The following FRY variants were observed in gnomAD, a reference collection of about 807,000 sequenced individuals.
The protein encoded by FRY is protein furry homolog.
A neutral mutation model predicts 348.4 loss-of-function variants in FRY; 128 were observed. That is an observed-to-expected ratio of 0.37 (90% confidence interval 0.32 to 0.43). The LOEUF (loss-of-function observed/expected upper bound fraction) is 0.43, where lower values mean the gene tolerates loss of function less well. FRY is among the 20% of genes least tolerant of loss of function. The probability of loss-of-function intolerance (pLI) is 1.00; values close to 1 mark genes in which losing one functional copy is unlikely to be tolerated. For missense variants in FRY, 2,736 were observed against 3,695.2 expected, an observed-to-expected ratio of 0.74 and a Z score of 6.73; for synonymous variants, 1,370 against 1,374.7, an observed-to-expected ratio of 1.00 and a Z score of 0.08.
At chr13:32,208,690 G>C (rs996692989) in intron 31 of FRY, among the ~76,000 whole-genome samples, 163 bp from the exon 32 acceptor site, 4 of 152,366 alleles carry the variant, frequency 2.6e-5, no homozygotes, top group Middle Eastern at 3.4e-3. Flanking sequence ...CAAGCTTGCA[G>C]ACAAGCCTTG....
intron 51 of FRY, among the ~76,000 whole-genome samples, chr13:32,255,930 G>T (rs549643138): frequency 1.2e-4 from 18 of 152,154 alleles, no homozygotes; most frequent in Non-Finnish European, 4.4e-5. Context: ...GGGAAAAAAC[G>T]GATGAAGCAA....
intron 20 of FRY, among the ~76,000 whole-genome samples, chr13:32,177,601 A>AAATAAATG (rs1882445091): frequency 6.6e-6 from 1 of 151,742 alleles, no homozygotes; most frequent in African/African-American, 2.4e-5. Context: ...CTCGATAAAT[A>AAATAAATG]AATAAATAAA....
chr13:32,250,228 T>C (rs975913441), intron 49 of FRY, among the ~76,000 whole-genome samples: 4 of 152,328 alleles, frequency 2.6e-5, no homozygotes, highest in African/African-American at 7.2e-5. Flanking sequence ...AGAGATGCCA[T>C]TGGGCTTCCT....
chr13:32,082,265 A>G (rs574882264), intron 2 of FRY, among the ~76,000 whole-genome samples: 1 of 152,134 alleles, frequency 6.6e-6, no homozygotes, highest in African/African-American at 2.4e-5. Context: ...TCCACAAAAC[A>G]AATTTTAGAT....
At chr13:32,094,030 G>A (rs960880505) in intron 2 of FRY, among the ~76,000 whole-genome samples, 5 of 152,150 alleles carry the variant, frequency 3.3e-5, no homozygotes, top group African/African-American at 1.2e-4. Flanking sequence ...GCCATAATCA[G>A]TTTCCACTTG....
rs2072083514 is a variant in FRY, at chr13:32,297,605, A to G, written c.*2145A>G. On this transcript the variant is annotated 3_prime_UTR_variant, in exon 61 of 61. Coordinates refer to ENST00000542859, the MANE Select transcript of FRY (RefSeq NM_023037.3). ...CAATTTTATTTTTAAAAGGAGATGTATTAATGTGAAAGGTTTCTTCTACTT... is the reference window on the plus strand; with the variant it reads ...CAATTTTATTTTTAAAAGGAGATGTGTTAATGTGAAAGGTTTCTTCTACTT... 6.6e-6 allele frequency: 1 copy of G among 152,160 alleles called. No individual in the cohort carries two copies. Among genetic ancestry groups the G allele is most frequent in the African/African-American group, 2.4e-5 (1 of 41,444 alleles). The allele number at this position is 152,160 out of a possible 1,614,324, so 9.4% of individuals were successfully genotyped here.
intron 59 of FRY, among the ~76,000 whole-genome samples, chr13:32,293,449 A>C (rs1889479154): frequency 6.6e-6 from 1 of 152,212 alleles, no homozygotes; most frequent in Non-Finnish European, 1.5e-5. Flanking sequence ...TTGTACCGTG[A>C]GTGAGTTGGG....
chr13:32,299,112 A>AT lies in FRY; in HGVS notation c.*3659dup, dbSNP rs1316048081. 6.6e-6 allele frequency: 1 copy of AT among 152,178 alleles called. No individual in the cohort carries two copies. The highest frequency in any genetic ancestry group is 1.5e-5 in the Non-Finnish European group (1 of 68,040). The allele number at this position is 152,178 out of a possible 1,614,324, so 9.4% of individuals were successfully genotyped here. On this transcript the variant is annotated 3_prime_UTR_variant, in exon 61 of 61. Coordinates refer to ENST00000542859, the MANE Select transcript of FRY (RefSeq NM_023037.3). Reference sequence around the variant, plus strand: ...TATATGTTTTACCACAATAAAAATAATTTTTTTAAAGGATCATTCTGGCTG... The same window carrying AT: ...TATATGTTTTACCACAATAAAAATAATTTTTTTTAAAGGATCATTCTGGCTG...
At chr13:32,106,249 A>G (rs182697112) in intron 3 of FRY, among the ~76,000 whole-genome samples, 13 of 150,724 alleles carry the variant, frequency 8.6e-5, no homozygotes, top group African/African-American at 1.2e-4. Flanking sequence ...TAGAGATGAT[A>G]ATAATGGTGA....
intron 57 of FRY, among the ~76,000 whole-genome samples, chr13:32,278,012 G>C (rs749618140): frequency 3.9e-5 from 6 of 152,158 alleles, no homozygotes; most frequent in Non-Finnish European, 7.4e-5. Flanking sequence ...CTTTCTTATA[G>C]TGAAGGAGAT....
intron 2 of FRY, among the ~76,000 whole-genome samples, chr13:32,096,196 A>T (rs1009465505): frequency 6.6e-6 from 1 of 152,054 alleles, no homozygotes; most frequent in Admixed American, 6.5e-5. Flanking sequence ...GATAAAATCT[A>T]TGTTGATGCA....
intron 7 of FRY, 51 bp from the exon 8 acceptor site, chr13:32,131,621 C>A: frequency 7.1e-7 from 1 of 1,403,818 alleles, no homozygotes; most frequent in Non-Finnish European, 1.0e-6. Flanking sequence ...GCCCCCATTA[C>A]AGGGACTTTC....
chr13:32,275,116 A>T (rs565974552), intron 56 of FRY, 125 bp downstream of exon 56: 13 of 828,156 alleles, frequency 1.6e-5, no homozygotes, highest in South Asian at 2.8e-5. Flanking sequence ...CGGTGGCTCA[A>T]GCCTGTAATC....
chr13:32,281,457 T>C (rs1422795383), intron 58 of FRY, among the ~76,000 whole-genome samples: 1 of 152,130 alleles, frequency 6.6e-6, no homozygotes, highest in Non-Finnish European at 1.5e-5. Context: ...GGAATCTGCA[T>C]GAATAAGGAG....
At chr13:32,275,026 C>T in intron 56 of FRY, 35 bp downstream of exon 56, 1 of 1,573,382 alleles carries the variant, frequency 6.4e-7, no homozygotes. Context: ...CAGTGAAGGG[C>T]CTACGCAACC....
intron 3 of FRY, among the ~76,000 whole-genome samples, chr13:32,116,573 T>A (rs558888707): frequency 2.0e-5 from 3 of 152,184 alleles, no homozygotes; most frequent in Admixed American, 6.5e-5. Context: ...TTATCCTATG[T>A]TTTCTTGGAG....
At chr13:32,168,644 G>A (rs898829169) in intron 17 of FRY, among the ~76,000 whole-genome samples, 1 of 152,360 alleles carries the variant, frequency 6.6e-6, no homozygotes, top group South Asian at 2.1e-4. Flanking sequence ...CTGAAGAACT[G>A]TAGATTTAAT....
intron 3 of FRY, among the ~76,000 whole-genome samples, chr13:32,102,711 T>C (rs940925466): frequency 2.0e-5 from 3 of 152,236 alleles, no homozygotes; most frequent in African/African-American, 7.2e-5. Context: ...TGATAGATTC[T>C]GGTTCAGTAA....
At chr13:32,052,824 A>G (rs951898638) in intron 1 of FRY, among the ~76,000 whole-genome samples, 14 of 152,218 alleles carry the variant, frequency 9.2e-5, no homozygotes, top group Non-Finnish European at 1.9e-4. Context: ...AATAAAAATT[A>G]AGTTTCTGGC....
Sources: allele counts gnomAD v4.1 joint callset (sites outside exome capture counted in the v4.1 genomes callset), GRCh38; gene constraint gnomAD v4.1.1; transcripts MANE v1.5; gene names NCBI Gene and HGNC (gene_info 2026-07-23, HGNC 2026-07-21).